The following CDT1 variants were observed in gnomAD, a reference collection of about 807,000 sequenced individuals.
CDT1 encodes the protein chromatin licensing and DNA replication factor 1.
In CDT1, 66 loss-of-function variants were observed where a neutral mutation model predicts 49.3. The ratio of observed to expected loss-of-function variants is 1.34; its 90% CI spans 1.10 to 1.64. CDT1 has a LOEUF of 1.64. Among genes scored for constraint, CDT1 ranks in the 40% most tolerant of loss-of-function variants. The pLI, the probability that CDT1 is intolerant of heterozygous loss-of-function variation, is 0.00. For synonymous variants in CDT1, 424 were observed against 347.4 expected, an observed-to-expected ratio of 1.22 and a Z score of -2.45; for missense variants, 958 against 807.7, an observed-to-expected ratio of 1.19 and a Z score of -2.26.
chr16:88,805,358 G>A (rs1443684628), intron 3 of CDT1, 82 bp from the exon 4 acceptor site: 6 of 1,524,694 alleles, frequency 3.9e-6, no homozygotes, highest in Non-Finnish European at 5.4e-6. Flanking sequence ...CCATCGGAGG[G>A]TCTCCCTGGC....
intron 4 of CDT1, 42 bp from the exon 5 acceptor site, chr16:88,805,682 G>T: frequency 6.2e-7 from 1 of 1,612,584 alleles, no homozygotes; most frequent in Admixed American, 1.7e-5. Context: ...AGTTGGGGGT[G>T]GGCCCGGGCC....
intron 9 of CDT1, 118 bp downstream of exon 9, chr16:88,807,600 T>A: frequency 9.6e-7 from 1 of 1,041,278 alleles, no homozygotes; most frequent in Non-Finnish European, 1.4e-6. Flanking sequence ...AGATGTGCAG[T>A]GGGCGCTGGC....
chr16:88,808,875 C>T lies in CDT1; in HGVS notation c.*597C>T, dbSNP rs186930018. 19 of 159,614 alleles carry T rather than the reference C, an allele frequency of 1.2e-4. No homozygotes were observed. The highest frequency in any genetic ancestry group is 1.8e-4 in the South Asian group (1 of 5,570). The allele number at this position is 159,614 out of a possible 1,614,324, so 9.9% of individuals were successfully genotyped here. On this transcript the variant is annotated 3_prime_UTR_variant, in exon 10 of 10. Transcript: ENST00000301019. ...GCCGGGTGTGGTGGTGGGCACCTGT[C>T]GTCCCAGCTACTAGGGAGGCTGAGG...
At chr16:88,807,672 C>T (rs375801137) in intron 9 of CDT1, among the ~76,000 whole-genome samples, 190 bp downstream of exon 9, 16 of 152,172 alleles carry the variant, frequency 1.1e-4, no homozygotes, top group Admixed American at 2.6e-4. Context: ...AGCCTCCGCC[C>T]GGCCCCTCCA....
intron 1 of CDT1, 105 bp from the exon 2 acceptor site, chr16:88,804,440 C>A: frequency 7.0e-7 from 1 of 1,433,174 alleles, no homozygotes; most frequent in Non-Finnish European, 9.6e-7. Flanking sequence ...CCCAGCCATG[C>A]CCGTCCCAGT....
chr16:88,807,244 C>T, intron 8 of CDT1, 37 bp from the exon 9 acceptor site: 2 of 1,611,204 alleles, frequency 1.2e-6, no homozygotes, highest in Non-Finnish European at 1.7e-6. Context: ...GCCTGGTGAC[C>T]TGCTGCCCAC....
rs1399306007 is a variant in CDT1 at position 88,809,074 on chromosome 16, AT to A, written c.*797del. On this transcript the variant is annotated 3_prime_UTR_variant, in exon 10 of 10. Transcript: ENST00000301019. ...CGCCCCATGTCATCACAGGGCCTTCATGACAGGGCCAGAGCCAGCCAGCTTT... is the reference window on the plus strand; with the variant it reads ...CGCCCCATGTCATCACAGGGCCTTCAGACAGGGCCAGAGCCAGCCAGCTTT... 11 of 225,910 alleles carry A rather than the reference AT, an allele frequency of 4.9e-5. No individual in the cohort carries two copies. The highest frequency in any genetic ancestry group is 9.0e-5 in the Non-Finnish European group (10 of 111,666). 14.0% of individuals were successfully genotyped at this position (225,910 alleles called of 1,614,324 possible).
At position 88,805,810 on chromosome 16, in the gene CDT1, T is replaced by G. The variant is rs750859693; in HGVS notation, c.773T>G (p.Phe258Cys). Reference protein sequence around the residue: ...RFRQERSVPTFKDGTRRSDYQ... With the variant: ...RFRQERSVPTCKDGTRRSDYQ... Reference sequence around the variant, plus strand: ...CGCCAGGAGCGCAGTGTCCCCACCTTCAAGGATGGCACCAGGAGGTCAGAT... The same window carrying G: ...CGCCAGGAGCGCAGTGTCCCCACCTGCAAGGATGGCACCAGGAGGTCAGAT... The change falls in exon 5 of 10, where the codon TTC (phenylalanine) becomes TGC (cysteine). Residue 258 changes from phenylalanine to cysteine, a missense_variant. Transcript: ENST00000301019. 1 of 1,613,158 alleles carries G rather than the reference T, an allele frequency of 6.2e-7. No individual in the cohort carries two copies. The highest frequency in any genetic ancestry group is 1.1e-5 in the South Asian group (1 of 91,074).
Position 88,807,173 on chromosome 16 carries a change from G to C in CDT1, c.1245G>C (p.Leu415=), listed in dbSNP as rs1229269321. 3.7e-6 allele frequency: 6 copies of C among 1,612,360 alleles called. No individual in the cohort carries two copies. Among genetic ancestry groups the C allele is most frequent in the Non-Finnish European group, 3.4e-6 (4 of 1,179,828 alleles). Residue 415 remains leucine, a synonymous_variant, in exon 8 of 10, where the codon CTG becomes CTC. Transcript: ENST00000301019. ...CGCCTGCAGCCTCTCCCAGTGCTCTGAAGGGGGTGTCCCAGGATCTGCTGG... is the reference window on the plus strand; with the variant it reads ...CGCCTGCAGCCTCTCCCAGTGCTCTCAAGGGGGTGTCCCAGGATCTGCTGG... ...ATPPAASPSA[L]KGVSQDLLER... is the part of the protein sequence containing the mutation.
At position 88,804,578 on chromosome 16, in the gene CDT1, A is replaced by G; in HGVS notation, c.262A>G (p.Ile88Val). The G allele has an allele frequency of 6.2e-7, 1 of 1,613,024 alleles. No homozygotes were observed. The highest frequency in any genetic ancestry group is 8.5e-7 in the Non-Finnish European group (1 of 1,179,904). Residue 88 changes from isoleucine to valine, a missense_variant, in exon 2 of 10, where the codon ATC becomes GTC. Transcript: ENST00000301019. The part of the protein sequence containing the change: ...SSPSTPEAPD[I>V]PACPSPGQKI... The stretch of plus-strand genomic sequence containing the variant: ...CCCCAGTACCCCCGAGGCCCCAGAC[A>G]TCCCAGCCTGCCCTTCTCCGGGCCA...
At position 88,806,683 on chromosome 16, in the gene CDT1, G is replaced by A. The variant is rs1421357969; in HGVS notation, c.1122+9G>A. On this transcript the variant is annotated intron_variant, in intron 7 of 9. Transcript: ENST00000301019. ...ACCTGATTTCACCCAGGGTGAGACT[G>A]CGAGGCTTGGGCAGCCCATTTCTCC... 2 of 1,590,284 alleles carry A rather than the reference G, an allele frequency of 1.3e-6. No individual in the cohort carries two copies. The highest frequency in any genetic ancestry group is 1.3e-5 in the African/African-American group (1 of 74,448).
At chr16:88,807,616 G>T in intron 9 of CDT1, 134 bp downstream of exon 9, 1 of 915,070 alleles carries the variant, frequency 1.1e-6, no homozygotes, top group Non-Finnish European at 1.7e-6. Context: ...CTGGCCTCTT[G>T]CACTGGTGTG....
intron 1 of CDT1, 146 bp from the exon 2 acceptor site, chr16:88,804,399 C>A: frequency 2.7e-6 from 3 of 1,097,464 alleles, no homozygotes; most frequent in Non-Finnish European, 4.0e-6. Flanking sequence ...GGCCTTAGCA[C>A]AGACCACCAT....
In CDT1 at chr16:88,808,290, A is replaced by T. The variant is rs757852200; in HGVS notation, c.*12A>T. 3 of 1,575,034 alleles carry T rather than the reference A, an allele frequency of 1.9e-6. No individual in the cohort carries two copies. In the African/African-American group the frequency reaches 4.0e-5, roughly 21 times the overall value. ...AGGAGGGGCTGTGAGCCTGGGGGCC[A>T]CTGTGGACAGACGTGGGCTTCAGAA... On this transcript the variant is annotated 3_prime_UTR_variant, in exon 10 of 10. Transcript: ENST00000301019.
chr16:88,805,688 G>C (rs572456795), intron 4 of CDT1, 36 bp from the exon 5 acceptor site: 4 of 1,612,476 alleles, frequency 2.5e-6, no homozygotes, highest in South Asian at 1.1e-5. Context: ...GGGTGGGCCC[G>C]GGCCTGCCTC....
At position 88,806,813 on chromosome 16, in the gene CDT1, G is replaced by A. The variant is rs553785272; in HGVS notation, c.1122+139G>A. On this transcript the variant is annotated intron_variant, in intron 7 of 9. Transcript: ENST00000301019. ...CCTTGGCTGGCGGATCCAGAGAGTT[G>A]GTGGCATTTGCCCTCTGTCCCCAGC... 526 of 1,250,852 alleles carry A rather than the reference G, an allele frequency of 4.2e-4. No homozygotes were observed. The Middle Eastern group carries it at 4.6e-3, about 11-fold the overall frequency. The allele number at this position is 1,250,852 out of a possible 1,614,324, so 77.5% of individuals were successfully genotyped here. A position where few individuals can be genotyped will look rare whatever the true frequency, so the allele number is the denominator to read the frequency against.
Position 88,804,899 on chromosome 16 carries a change from G to T in CDT1, c.488+1G>T. On this transcript the variant is annotated splice_donor_variant, in intron 3 of 9. Coordinates refer to ENST00000301019, the MANE Select transcript of CDT1 (RefSeq NM_030928.4). LOFTEE classifies it high-confidence loss of function. ...CCGAGGGCCGCCCTGAGGAGCCATG[G>T]TGAGTGCTGGGTGGGCGGCCACGAG... 6.4e-7 allele frequency: 1 copy of T among 1,564,446 alleles called. No homozygotes were observed. Among genetic ancestry groups the T allele is most frequent in the Non-Finnish European group, 8.6e-7 (1 of 1,160,144 alleles).
intron 3 of CDT1, among the ~76,000 whole-genome samples, chr16:88,805,155 T>C (rs935582111): frequency 1.3e-5 from 2 of 152,218 alleles, no homozygotes; most frequent in African/African-American, 4.8e-5. Context: ...ATTGGTGTGT[T>C]GTCTGCCTCT....
Position 88,805,503 on chromosome 16 carries a change from C to T in CDT1, c.552C>T (p.Leu184=), listed in dbSNP as rs763313140. ...HALAQPGLPG[L]VLPYKYQVLA... ...TGGCCCAGCCCGGCCTGCCGGGACT[C>T]GTGCTGCCCTACAAGTACCAGGTGC... Residue 184 remains leucine, a synonymous_variant, in exon 4 of 10, where the codon CTC becomes CTT. Coordinates refer to ENST00000301019, the MANE Select transcript of CDT1 (RefSeq NM_030928.4). 2.6e-5 allele frequency: 42 copies of T among 1,612,782 alleles called. No homozygotes were observed. Among genetic ancestry groups the T allele is most frequent in the African/African-American group, 5.3e-5 (4 of 74,942 alleles).
Sources: gnomAD v4.1 joint callset for allele counts (sites outside exome capture counted in the v4.1 genomes callset) on GRCh38, gnomAD v4.1.1 for gene constraint, MANE v1.5 for transcripts, NCBI Gene and HGNC (gene_info 2026-07-23, HGNC 2026-07-21) for gene names.